The following TRIO variants were observed in gnomAD, a reference collection of about 807,000 sequenced individuals.
The protein encoded by TRIO is triple functional domain protein.
A neutral mutation model predicts 351.9 loss-of-function variants in TRIO; 58 were observed. That is an observed-to-expected ratio of 0.16 (90% CI 0.13 to 0.21). TRIO has a LOEUF of 0.21. Ranked by LOEUF, TRIO falls within the 10% of genes least tolerant of loss-of-function variation. TRIO has a pLI of 1.00. For missense variants in TRIO, 3,201 were observed against 4,027.8 expected (o/e 0.79, Z 5.56); for synonymous variants, 1,758 against 1,595.7 (o/e 1.10, Z -2.42).
chr5:14,148,344 T>G (rs1366295027), intron 1 of TRIO, among the ~76,000 whole-genome samples: 4 of 152,218 alleles, frequency 2.6e-5, no homozygotes, highest in Non-Finnish European at 5.9e-5. Context: ...AAAGATGTGT[T>G]TGAAGCTGTC....
At chr5:14,252,168 A>G (rs1794784197) in intron 1 of TRIO, among the ~76,000 whole-genome samples, 1 of 152,192 alleles carries the variant, frequency 6.6e-6, no homozygotes, top group Non-Finnish European at 1.5e-5. Flanking sequence ...AGCATCTTTT[A>G]TGTAAGACTC....
At chr5:14,389,547 A>G (rs563355866) in intron 25 of TRIO, 149 bp downstream of exon 25, 3 of 565,476 alleles carry the variant, frequency 5.3e-6, no homozygotes, top group Non-Finnish European at 9.0e-6. Context: ...CTCCAAAAAG[A>G]CTGACATTCT....
intron 21 of TRIO, among the ~76,000 whole-genome samples, chr5:14,386,298 C>T (rs1423374610): frequency 6.6e-6 from 1 of 151,990 alleles, no homozygotes; most frequent in African/African-American, 2.4e-5. Flanking sequence ...GTTGGTGAGC[C>T]ACAGCTGGGG....
chr5:14,189,517 G>A (rs964012888), intron 1 of TRIO, among the ~76,000 whole-genome samples: 3 of 152,148 alleles, frequency 2.0e-5, no homozygotes, highest in Non-Finnish European at 2.9e-5. Context: ...GTAAATGTGT[G>A]GCCTGGGAGA....
intron 27 of TRIO, among the ~76,000 whole-genome samples, chr5:14,392,743 A>G (rs1335898363): frequency 6.6e-6 from 1 of 152,180 alleles, no homozygotes; most frequent in Non-Finnish European, 1.5e-5. Context: ...ATACTATGCA[A>G]TCATAAAAAA....
intron 1 of TRIO, among the ~76,000 whole-genome samples, chr5:14,241,615 T>C (rs1328884792): frequency 6.6e-6 from 1 of 152,356 alleles, no homozygotes; most frequent in Non-Finnish European, 1.5e-5. Context: ...TATAGAGGCA[T>C]TGTCAGCTCT....
At chr5:14,264,920 G>T (rs77239684) in intron 1 of TRIO, among the ~76,000 whole-genome samples, 11,956 of 152,168 alleles carry the variant, frequency 0.079, 531 homozygotes, top group African/African-American at 0.085. Flanking sequence ...TTCCCCCAAA[G>T]TAACTAATGA....
intron 8 of TRIO, among the ~76,000 whole-genome samples, chr5:14,305,566 G>A (rs980465166): frequency 5.3e-5 from 8 of 152,242 alleles, no homozygotes; most frequent in African/African-American, 1.9e-4. Flanking sequence ...GCTGGACAGT[G>A]TAGATGTTTA....
intron 11 of TRIO, among the ~76,000 whole-genome samples, chr5:14,351,863 T>C (rs1457830645): frequency 6.6e-6 from 1 of 152,208 alleles, no homozygotes; most frequent in African/African-American, 2.4e-5. Flanking sequence ...AGGGCCCTGA[T>C]CCTACTTTCG....
At chr5:14,341,394 A>G (rs560413791) in intron 11 of TRIO, among the ~76,000 whole-genome samples, 2 of 152,304 alleles carry the variant, frequency 1.3e-5, no homozygotes, top group Non-Finnish European at 2.9e-5. Flanking sequence ...TGTCTCCTAC[A>G]TTTTAGACAT....
intron 1 of TRIO, among the ~76,000 whole-genome samples, chr5:14,248,385 C>T (rs1462141508): frequency 6.6e-6 from 1 of 152,230 alleles, no homozygotes; most frequent in Non-Finnish European, 1.5e-5. Flanking sequence ...ATTTTAGTAA[C>T]ATCCACTGCC....
chr5:14,504,130 C>T (rs914921210), intron 54 of TRIO, among the ~76,000 whole-genome samples: 3 of 152,328 alleles, frequency 2.0e-5, no homozygotes, highest in Middle Eastern at 3.4e-3. Flanking sequence ...TTCCACCACA[C>T]GCAGTGCTGG....
chr5:14,143,499 C>G lies in TRIO; in HGVS notation c.-227C>G, dbSNP rs1787295524. On this transcript the variant is annotated 5_prime_UTR_variant, in exon 1 of 57. Transcript: ENST00000344204. ...CCGGGAGGCCGTGGCTCCGCGCCTC[C>G]GCCCCTCGGCCAGCTCGCGGCTACC... is the stretch of plus-strand genomic sequence containing the variant. 6.8e-6 allele frequency among the ~76,000 whole-genome samples: 1 copy of G among 148,070 alleles called. No homozygotes were observed. The highest frequency in any genetic ancestry group is 6.7e-5 in the Admixed American group (1 of 14,908).
intron 54 of TRIO, among the ~76,000 whole-genome samples, chr5:14,503,934 C>T (rs576506855): frequency 5.9e-5 from 9 of 152,344 alleles, no homozygotes; most frequent in African/African-American, 1.9e-4. Flanking sequence ...CCAGGGTCCT[C>T]GTGCCTGCCC....
At chr5:14,421,603 G>T (rs76667685) in intron 34 of TRIO, among the ~76,000 whole-genome samples, 7 of 109,278 alleles carry the variant, frequency 6.4e-5, no homozygotes, top group Non-Finnish European at 1.4e-4. Context: ...GACTCCATCT[G>T]AAAAAAAAAA....
intron 11 of TRIO, among the ~76,000 whole-genome samples, chr5:14,356,963 G>C (rs540745299): frequency 6.6e-6 from 1 of 152,364 alleles, no homozygotes; most frequent in Non-Finnish European, 1.5e-5. Context: ...GAGTGCCAGG[G>C]AGGGAGCATG....
chr5:14,299,021 A>G (rs1737628950), intron 7 of TRIO, among the ~76,000 whole-genome samples: 1 of 152,222 alleles, frequency 6.6e-6, no homozygotes, highest in African/African-American at 2.4e-5. Context: ...TGTCAGGCTG[A>G]AGCATAACAC....
At chr5:14,391,646 A>G (rs1224870340) in intron 27 of TRIO, among the ~76,000 whole-genome samples, 1 of 152,252 alleles carries the variant, frequency 6.6e-6, no homozygotes, top group Non-Finnish European at 1.5e-5. Context: ...TTGGTCAAAT[A>G]TGTGCCAATA....
chr5:14,393,059 A>AG (rs950508864), intron 27 of TRIO, among the ~76,000 whole-genome samples: 9 of 151,234 alleles, frequency 6.0e-5, no homozygotes, highest in African/African-American at 1.5e-4. Context: ...AAAGAAAGAA[A>AG]AAAAAAAAAA....
Sources: allele counts gnomAD v4.1 joint callset (sites outside exome capture counted in the v4.1 genomes callset), GRCh38; gene constraint gnomAD v4.1.1; transcripts MANE v1.5; gene names NCBI Gene and HGNC (gene_info 2026-07-23, HGNC 2026-07-21).